SFI1: variants seen among roughly 807,000 people sequenced by gnomAD.
SFI1 encodes the protein SFI1 centrin binding protein, also known as protein SFI1 homolog.
A neutral mutation model predicts 207.5 loss-of-function variants in SFI1; 195 were observed. The ratio of observed to expected loss-of-function variants is 0.94; its 90% CI spans 0.84 to 1.06. The LOEUF (loss-of-function observed/expected upper bound fraction) is 1.06, where lower values mean the gene tolerates loss of function less well. SFI1 is among the 50% of genes least tolerant of loss of function. The pLI is 0.00. For synonymous variants in SFI1, 630 were observed against 598.9 expected (o/e 1.05, Z -0.76); for missense variants, 1,634 against 1,588.0 (o/e 1.03, Z -0.49).
At chr22:31,496,986 C>T (rs975627949) in intron 1 of SFI1, among the ~76,000 whole-genome samples, 9 of 152,206 alleles carry the variant, frequency 5.9e-5, no homozygotes, top group African/African-American at 1.9e-4. Flanking sequence ...TGCGCGGATC[C>T]AAATCAGGGG....
rs772672756 is a variant in SFI1 at position 31,604,951 on chromosome 22, TCTCCCGGGCGC to T, written c.2054+12_2054+22del. ...CACAACAGGCAGCTGCTGCGGTGAGTCTCCCGGGCGCCTCCCAAGCTCCAGCTGGGGAACAA... is the reference window on the plus strand; with the variant it reads ...CACAACAGGCAGCTGCTGCGGTGAGTCTCCCAAGCTCCAGCTGGGGAACAA... On this transcript the variant is annotated splice_region_variant and intron_variant, in intron 20 of 32. Transcript: ENST00000400288. 3 of 1,594,388 alleles carry T rather than the reference TCTCCCGGGCGC, an allele frequency of 1.9e-6. No homozygotes were observed. Among genetic ancestry groups the T allele is most frequent in the East Asian group, 2.3e-5 (1 of 43,502 alleles).
At chr22:31,542,117 A>AAAG (rs1555979062) in intron 4 of SFI1, among the ~76,000 whole-genome samples, 4 of 150,244 alleles carry the variant, frequency 2.7e-5, no homozygotes, top group Admixed American at 6.7e-5. Context: ...AAAAAAAAAA[A>AAAG]AAAGAAATGT....
chr22:31,574,035 T>C (rs1036449617), intron 9 of SFI1, among the ~76,000 whole-genome samples: 1 of 152,228 alleles, frequency 6.6e-6, no homozygotes, highest in East Asian at 1.9e-4. Context: ...GTTTTTTGGA[T>C]ACTGTTTATA....
intron 15 of SFI1, among the ~76,000 whole-genome samples, chr22:31,598,281 G>A (rs916785437): frequency 2.0e-5 from 3 of 151,510 alleles, no homozygotes; most frequent in Admixed American, 2.0e-4. Flanking sequence ...CACCATGCCC[G>A]GCCGAGTTTT....
intron 29 of SFI1, 92 bp from the exon 30 acceptor site, chr22:31,616,653 C>G: frequency 7.1e-7 from 1 of 1,402,748 alleles, no homozygotes; most frequent in Non-Finnish European, 9.6e-7. Flanking sequence ...TCCCCCACCC[C>G]TGCAGGGCAG....
intron 4 of SFI1, among the ~76,000 whole-genome samples, chr22:31,537,175 C>T (rs2059077952): frequency 6.6e-6 from 1 of 152,088 alleles, no homozygotes. Flanking sequence ...GGCCCTTTGT[C>T]CTCATAGGTA....
At chr22:31,610,021 G>A (rs2069799472) in intron 22 of SFI1, among the ~76,000 whole-genome samples, 3 of 152,204 alleles carry the variant, frequency 2.0e-5, no homozygotes, top group East Asian at 1.9e-4. Flanking sequence ...GGGTTGCCAC[G>A]TCCATTACAG....
At chr22:31,575,136 GCT>G in intron 9 of SFI1, 93 bp from the exon 10 acceptor site, 1 of 1,035,206 alleles carries the variant, frequency 9.7e-7, no homozygotes, top group South Asian at 1.6e-5. Flanking sequence ...TTGAACCCCT[GCT>G]CTCTGCCAGT....
In SFI1 at chr22:31,583,950, C is replaced by T. The variant is rs183680439; in HGVS notation, c.1324C>T (p.His442Tyr). Residue 442 changes from histidine (H) to tyrosine (Y), a missense_variant, in exon 13 of 33, where the codon CAT (histidine) becomes TAT (tyrosine). His to Tyr is a moderately conservative substitution (Grantham distance 83, BLOSUM62 2). Transcript: ENST00000400288. ...KKERELLPLL[H>Y]AAWDHYRIAL... ...GGAAAGAGAGCTGCTCCCCTTACTG[C>T]ATGCTGCCTGGGACCACTACAGGTA... is the stretch of plus-strand genomic sequence containing the variant. 4 of 1,613,990 alleles carry T rather than the reference C, an allele frequency of 2.5e-6. No homozygotes were observed. Among genetic ancestry groups the T allele is most frequent in the Non-Finnish European group, 3.4e-6 (4 of 1,179,998 alleles).
chr22:31,569,425 G>T (rs1308784914), intron 8 of SFI1, among the ~76,000 whole-genome samples: 3 of 152,116 alleles, frequency 2.0e-5, no homozygotes, highest in Non-Finnish European at 4.4e-5. Context: ...AAATCTCTCA[G>T]TTTATAGGAA....
intron 4 of SFI1, among the ~76,000 whole-genome samples, chr22:31,541,428 C>T (rs5753683): frequency 0.86 from 131,331 of 152,124 alleles, 56,772 homozygotes; most frequent in East Asian, 0.98. Context: ...ATGTTCATTT[C>T]ACCATGTGCA....
rs1365655373 is a variant in SFI1 at position 31,612,390 on chromosome 22, A to T, written c.2490+550A>T. 9.7e-4 allele frequency: 105 copies of T among 107,834 alleles called. 1 individual carries two copies. The highest frequency in any genetic ancestry group is 9.0e-3 in the East Asian group (22 of 2,454). 6.7% of individuals were successfully genotyped at this position (107,834 alleles called of 1,614,324 possible). ...GCGAGACTCTGTCTAAAAAAAAAAAAAAAAAAAAATATATATATATATATA... is the reference window on the plus strand; with the variant it reads ...GCGAGACTCTGTCTAAAAAAAAAAATAAAAAAAAATATATATATATATATA... On this transcript the variant is annotated intron_variant, in intron 24 of 32. Transcript: ENST00000400288.
rs1412827624 is a variant in SFI1 at position 31,605,946 on chromosome 22, C to A, written c.2055-382C>A. On this transcript the variant is annotated intron_variant, in intron 20 of 32. Transcript: ENST00000400288. Reference sequence around the variant, plus strand: ...AGACAGGGTGGAATAAGCAAGAACTCCCTGAGCTAACTCAGCAGCAAGCTG... The same window carrying A: ...AGACAGGGTGGAATAAGCAAGAACTACCTGAGCTAACTCAGCAGCAAGCTG... The A allele has an allele frequency of 1.8e-5, 4 of 222,924 alleles. No homozygotes were observed. In the Admixed American group the frequency reaches 2.1e-4, roughly 12 times the overall value. 13.8% of individuals were successfully genotyped at this position (222,924 alleles called of 1,614,324 possible). A position where few individuals can be genotyped will look rare whatever the true frequency, so the allele number is the denominator to read the frequency against.
chr22:31,506,895 G>A (rs993169981), intron 1 of SFI1, among the ~76,000 whole-genome samples: 1 of 151,964 alleles, frequency 6.6e-6, no homozygotes, highest in Non-Finnish European at 1.5e-5. Flanking sequence ...CCATGCTCAT[G>A]TATAGGAAAA....
chr22:31,536,358 C>T (rs2058995475), intron 4 of SFI1, among the ~76,000 whole-genome samples: 1 of 152,136 alleles, frequency 6.6e-6, no homozygotes, highest in South Asian at 2.1e-4. Context: ...CTCGGGGATC[C>T]AAAGATTGAA....
rs2147562305 is a variant in SFI1, at chr22:31,618,227, G to A, written c.3624+1G>A. ...GCAGGTGCAGAAAGAGCTGGAACAG[G>A]TGAGGCCCCAGGCCATCCCCAGGTG... On this transcript the variant is annotated splice_donor_variant, in intron 32 of 32. Coordinates refer to ENST00000400288, the MANE Select transcript of SFI1 (RefSeq NM_001007467.3). LOFTEE classifies it high-confidence loss of function. 6.3e-7 allele frequency: 1 copy of A among 1,596,062 alleles called. No individual in the cohort carries two copies. The highest frequency in any genetic ancestry group is 2.3e-5 in the East Asian group (1 of 44,198).
At chr22:31,563,167 T>C (rs1402145642) in intron 8 of SFI1, among the ~76,000 whole-genome samples, 2 of 151,902 alleles carry the variant, frequency 1.3e-5, no homozygotes, top group African/African-American at 2.4e-5. Flanking sequence ...TAATTTTTTG[T>C]ATTTTAGTAG....
At chr22:31,606,858 C>T (rs937882734) in intron 21 of SFI1, 11 of 157,902 alleles carry the variant, frequency 7.0e-5, no homozygotes, top group South Asian at 3.7e-4. Context: ...CCACCACGTC[C>T]GACTAATTTT....
At chr22:31,529,709 G>A (rs2058280886) in intron 3 of SFI1, among the ~76,000 whole-genome samples, 1 of 152,130 alleles carries the variant, frequency 6.6e-6, no homozygotes, top group African/African-American at 2.4e-5. Flanking sequence ...AGAAGGATGT[G>A]GTACCACAGG....
Sources: gnomAD v4.1 joint callset for allele counts (sites outside exome capture counted in the v4.1 genomes callset) on GRCh38, gnomAD v4.1.1 for gene constraint, MANE v1.5 for transcripts, NCBI Gene and HGNC (gene_info 2026-07-23, HGNC 2026-07-21) for gene names.